Variants in SLC5A10 observed in about 807,000 individuals in gnomAD.
The protein encoded by SLC5A10 is solute carrier family 5 member 10, also known as sodium/mannose cotransporter SLC5A10.
Under a neutral mutation model 68.9 loss-of-function variants are expected in SLC5A10, and 55 were observed. The ratio of observed to expected loss-of-function variants is 0.80; its 90% CI spans 0.64 to 1.00. SLC5A10 has a LOEUF of 1.00. SLC5A10 is among the 50% of genes least tolerant of loss of function. The pLI, the probability that SLC5A10 is intolerant of heterozygous loss-of-function variation, is 0.00. For synonymous variants in SLC5A10, 344 were observed against 344.8 expected, an observed-to-expected ratio of 1.00 and a Z score of 0.02; for missense variants, 732 against 819.3, an observed-to-expected ratio of 0.89 and a Z score of 1.30.
At chr17:18,985,125 A>T (rs1230439323) in intron 9 of SLC5A10, among the ~76,000 whole-genome samples, 1 of 152,166 alleles carries the variant, frequency 6.6e-6, no homozygotes, top group Non-Finnish European at 1.5e-5. Context: ...GCCGCTCAGC[A>T]CTCAGACCAG....
intron 8 of SLC5A10, 47 bp from the exon 9 acceptor site, chr17:18,976,807 A>G: frequency 1.9e-6 from 3 of 1,603,950 alleles, no homozygotes; most frequent in Non-Finnish European, 2.6e-6. Flanking sequence ...TCCTGACACA[A>G]GTGTCCCTCA....
chr17:18,976,696 G>A, intron 8 of SLC5A10, 158 bp from the exon 9 acceptor site: 1 of 938,472 alleles, frequency 1.1e-6, no homozygotes, highest in East Asian at 2.7e-5. Flanking sequence ...GTGGGACCCT[G>A]ACAGTATTGG....
intron 7 of SLC5A10, chr17:18,970,568 AGC>A: frequency 5.3e-6 from 1 of 188,098 alleles, no homozygotes; most frequent in South Asian, 1.1e-4. Context: ...AGCCACTCTC[AGC>A]TCTGCTAAAA....
intron 9 of SLC5A10, among the ~76,000 whole-genome samples, chr17:19,005,707 G>A (rs1210745796): frequency 6.6e-6 from 1 of 151,428 alleles, no homozygotes; most frequent in African/African-American, 2.4e-5. Context: ...TTGCCTCTGA[G>A]TCCACTGCCC....
intron 9 of SLC5A10, among the ~76,000 whole-genome samples, chr17:19,011,666 G>A (rs1266303171): frequency 2.6e-5 from 4 of 152,000 alleles, no homozygotes; most frequent in Non-Finnish European, 5.9e-5. Context: ...TATGAGCCTG[G>A]GGGGCTAATG....
chr17:18,987,727 T>C (rs1346563059), intron 9 of SLC5A10, among the ~76,000 whole-genome samples: 1 of 152,220 alleles, frequency 6.6e-6, no homozygotes, highest in Non-Finnish European at 1.5e-5. Context: ...ACTTCAACTG[T>C]GCAGCCATCG....
intron 8 of SLC5A10, chr17:18,975,947 G>C (rs1206824252): frequency 6.6e-6 from 1 of 152,236 alleles, no homozygotes; most frequent in African/African-American, 2.4e-5. Flanking sequence ...CCAGCACTTT[G>C]GGAGGTCGAG....
chr17:18,984,794 A>G (rs1016042510), intron 9 of SLC5A10, among the ~76,000 whole-genome samples: 3 of 152,158 alleles, frequency 2.0e-5, no homozygotes, highest in African/African-American at 7.2e-5. Flanking sequence ...GTGACCCTAG[A>G]GGGTGTCAGT....
chr17:19,011,235 G>A (rs565370579), intron 9 of SLC5A10, among the ~76,000 whole-genome samples: 9 of 152,324 alleles, frequency 5.9e-5, no homozygotes, highest in African/African-American at 2.2e-4. Context: ...GGTTGGGAGA[G>A]TCAGGGAAGG....
chr17:19,015,209 T>TACGGGGGG lies in SLC5A10; in HGVS notation c.1241+10_1241+11insACGGGGGG. On this transcript the variant is annotated intron_variant, in intron 11 of 14. Transcript: ENST00000395645. ...TCCTGCTGGTGGGACGGTACGGGGG[T>TACGGGGGG]GGGGGCCAGTACGGGGGTGGGGGAA... The TACGGGGGG allele has an allele frequency of 5.2e-6, 1 of 192,264 alleles. No homozygotes were observed. 11.9% of individuals were successfully genotyped at this position (192,264 alleles called of 1,614,324 possible).
chr17:18,952,316 G>A lies in SLC5A10; in HGVS notation c.111G>A (p.Trp37Ter), dbSNP rs753876040. 5 of 1,611,064 alleles carry A rather than the reference G, an allele frequency of 3.1e-6. No individual in the cohort carries two copies. In the African/African-American group the frequency reaches 5.3e-5, roughly 17 times the overall value. ...YFALNVAVGI[W>*]SSCRASRNTV... is the part of the protein sequence containing the mutation. Reference sequence around the variant, plus strand: ...CTCTGAATGTGGCCGTGGGCATATGGGTAAGGGGACCTGTGGTGGTGTTGG... The same window carrying A: ...CTCTGAATGTGGCCGTGGGCATATGAGTAAGGGGACCTGTGGTGGTGTTGG... The change falls in exon 1 of 15, where the codon TGG becomes TGA. Residue 37 changes from tryptophan (W) to a stop codon, truncating the protein, a stop_gained and splice_region_variant. Coordinates refer to ENST00000395645, the MANE Select transcript of SLC5A10 (RefSeq NM_001042450.4). LOFTEE classifies it high-confidence loss of function.
intron 9 of SLC5A10, among the ~76,000 whole-genome samples, chr17:18,999,665 C>G (rs2043677111): frequency 6.6e-6 from 1 of 152,242 alleles, no homozygotes. Flanking sequence ...CAGAGCCAAG[C>G]TGTGGGCCAG....
Position 19,000,490 on chromosome 17 carries a change from T to G in SLC5A10, c.983-12920T>G, listed in dbSNP as rs1049090028. On this transcript the variant is annotated intron_variant, in intron 9 of 14. Coordinates refer to ENST00000395645, the MANE Select transcript of SLC5A10 (RefSeq NM_001042450.4). The surrounding 1 kb of genome is among the most constrained non-coding windows in gnomAD (Gnocchi z 5.2). ...TGTCCACTAGTTCCATTCTAGTCAT[T>G]TGGGAACAGGGGGGACTGACAGCAG... Among the ~76,000 whole-genome samples, 2 of 152,116 alleles carry G rather than the reference T, an allele frequency of 1.3e-5. No individual in the cohort carries two copies. Among genetic ancestry groups the G allele is most frequent in the African/African-American group, 4.8e-5 (2 of 41,406 alleles).
chr17:18,995,101 A>G (rs538868840), intron 9 of SLC5A10, among the ~76,000 whole-genome samples: 16 of 152,302 alleles, frequency 1.1e-4, no homozygotes, highest in Admixed American at 5.9e-4. Context: ...AAAATCCAAC[A>G]TGCCCGGTAT....
rs376732499 is a variant in SLC5A10, at chr17:18,959,201, G to A, written c.250G>A (p.Ala84Thr). The A allele has an allele frequency of 5.6e-5, 91 of 1,613,192 alleles. No homozygotes were observed. The highest frequency in any genetic ancestry group is 5.0e-4 in the Middle Eastern group (3 of 6,040). ...CTTCATTGGACTGGCGGGCTCAGGC[G>A]CGGCAGGAGGTCTGGCCGTGGCAGG... The part of the protein sequence containing the change: ...GLFIGLAGSG[A>T]AGGLAVAGFE... Residue 84 changes from alanine (A) to threonine (T), a missense_variant, in exon 3 of 15, where the codon GCG (alanine) becomes ACG (threonine). By Grantham distance (58) the Ala-to-Thr change is moderately conservative. Transcript: ENST00000395645.
chr17:18,968,950 G>T lies in SLC5A10; in HGVS notation c.454-102G>T. ...TGGGGGTCTCCCCTCCTTATCCACA[G>T]GCCACCGAGGCCCAGAGAGGGCCTT... On this transcript the variant is annotated intron_variant, in intron 5 of 14. Transcript: ENST00000395645. The surrounding 1 kb of genome is among the most constrained non-coding windows in gnomAD (Gnocchi z 4.1). 1 of 1,127,646 alleles carries T rather than the reference G, an allele frequency of 8.9e-7. No homozygotes were observed. The highest frequency in any genetic ancestry group is 1.2e-6 in the Non-Finnish European group (1 of 802,810). The allele number at this position is 1,127,646 out of a possible 1,614,324, so 69.9% of individuals were successfully genotyped here. A position where few individuals can be genotyped will look rare whatever the true frequency, so the allele number is the denominator to read the frequency against.
chr17:19,006,253 G>A (rs2043886679), intron 9 of SLC5A10, among the ~76,000 whole-genome samples: 1 of 152,096 alleles, frequency 6.6e-6, no homozygotes, highest in African/African-American at 2.4e-5. Flanking sequence ...TTTGGGACAG[G>A]GTCTTGCTCT....
At chr17:18,956,240 T>C (rs866549509) in intron 1 of SLC5A10, among the ~76,000 whole-genome samples, 1 of 130,060 alleles carries the variant, frequency 7.7e-6, no homozygotes, top group Non-Finnish European at 1.7e-5. Flanking sequence ...AATAAATAAA[T>C]AACAAATAGA....
In SLC5A10 at chr17:18,971,384, G is replaced by A. The variant is rs368210866; in HGVS notation, c.846+166G>A. 49 of 1,613,486 alleles carry A rather than the reference G, an allele frequency of 3.0e-5. No individual in the cohort carries two copies. Among genetic ancestry groups the A allele is most frequent in the African/African-American group, 2.4e-4 (18 of 75,028 alleles). On this transcript the variant is annotated intron_variant, in intron 8 of 14. Coordinates refer to ENST00000395645, the MANE Select transcript of SLC5A10 (RefSeq NM_001042450.4). The surrounding 1 kb of genome is among the most constrained non-coding windows in gnomAD (Gnocchi z 5.5). ...CTAGGGGTCTTTGCGGTCCCGGGGG[G>A]CTTGAGCCCTCCGTTTAGAATCCGA...
Sources: gnomAD v4.1 joint callset for allele counts (sites outside exome capture counted in the v4.1 genomes callset) on GRCh38, gnomAD v4.1.1 for gene constraint, Gnocchi (gnomAD v3.1) non-coding constraint, MANE v1.5 for transcripts, NCBI Gene and HGNC (gene_info 2026-07-23, HGNC 2026-07-21) for gene names.